Variants in ANP32B observed in about 807,000 individuals in gnomAD.
The protein encoded by ANP32B is acidic nuclear phosphoprotein 32 family member B, also known as acidic leucine-rich nuclear phosphoprotein 32 family member B.
A neutral mutation model predicts 32.2 loss-of-function variants in ANP32B; 6 were observed. The observed-to-expected ratio is 0.19, with a 90% CI of 0.10 to 0.37. The LOEUF (loss-of-function observed/expected upper bound fraction) is 0.37. Ranked by LOEUF, ANP32B falls within the 10% of genes least tolerant of loss-of-function variation. The probability of loss-of-function intolerance (pLI) is 1.00; values close to 1 mark genes in which losing one functional copy is unlikely to be tolerated. For missense variants in ANP32B, 204 were observed against 289.2 expected, an observed-to-expected ratio of 0.71 and a Z score of 2.14; for synonymous variants, 98 against 105.8, an observed-to-expected ratio of 0.93 and a Z score of 0.45.
intron 2 of ANP32B, among the ~76,000 whole-genome samples, chr9:97,998,329 G>A (rs915936564): frequency 6.6e-6 from 1 of 152,212 alleles, no homozygotes; most frequent in Non-Finnish European, 1.5e-5. Flanking sequence ...CAGTTCTTGA[G>A]TAAGCTGTTA....
chr9:98,003,558 C>T (rs926772782), intron 3 of ANP32B, among the ~76,000 whole-genome samples: 2 of 152,140 alleles, frequency 1.3e-5, no homozygotes, highest in Non-Finnish European at 2.9e-5. Flanking sequence ...GGTTCCCAAC[C>T]CCTGCTCTAG....
Position 98,012,413 on chromosome 9 carries a change from T to C in ANP32B, c.637-8T>C. On this transcript the variant is annotated splice_polypyrimidine_tract_variant and splice_region_variant and intron_variant, in intron 5 of 6. Coordinates refer to ENST00000339399, the MANE Select transcript of ANP32B (RefSeq NM_006401.3). ...TAATTTAATGTTATGCTGTTTGCTA[T>C]TCTTTAGGAAGAAGAATTTGGACTT... The C allele has an allele frequency of 6.2e-7, 1 of 1,612,222 alleles. No individual in the cohort carries two copies. Among genetic ancestry groups the C allele is most frequent in the African/African-American group, 1.3e-5 (1 of 74,958 alleles).
chr9:98,008,879 A>G (rs755141560), intron 4 of ANP32B, among the ~76,000 whole-genome samples: 2 of 152,328 alleles, frequency 1.3e-5, no homozygotes, highest in Non-Finnish European at 2.9e-5. Context: ...TCATCCTGAA[A>G]CCATCCCCCC....
intron 2 of ANP32B, among the ~76,000 whole-genome samples, chr9:97,997,988 A>G (rs1379011193): frequency 6.6e-6 from 1 of 152,188 alleles, no homozygotes; most frequent in Non-Finnish European, 1.5e-5. Context: ...CATAAACCTG[A>G]GGCTGTTGAC....
chr9:97,993,935 A>G (rs1423266601), intron 1 of ANP32B, among the ~76,000 whole-genome samples: 1 of 152,184 alleles, frequency 6.6e-6, no homozygotes, highest in African/African-American at 2.4e-5. Context: ...GCCCGGCCAG[A>G]TGTGATACTC....
chr9:98,012,499 A>G (rs1045320419), intron 6 of ANP32B, 27 bp downstream of exon 6: 1 of 1,606,468 alleles, frequency 6.2e-7, no homozygotes, highest in South Asian at 1.1e-5. Context: ...CATTTTGATC[A>G]TTCTCAGTTA....
chr9:98,009,675 C>T (rs914458831), intron 4 of ANP32B, among the ~76,000 whole-genome samples: 1 of 152,238 alleles, frequency 6.6e-6, no homozygotes, highest in African/African-American at 2.4e-5. Flanking sequence ...GCTGTGCGGC[C>T]CAGGCCACAG....
intron 2 of ANP32B, among the ~76,000 whole-genome samples, chr9:97,997,341 G>T (rs1037337698): frequency 2.6e-5 from 4 of 152,016 alleles, no homozygotes; most frequent in African/African-American, 9.7e-5. Context: ...CAGCTGACCT[G>T]TTTTTTTAAC....
At chr9:97,984,370 C>T (rs1046798264) in intron 1 of ANP32B, among the ~76,000 whole-genome samples, 1 of 151,508 alleles carries the variant, frequency 6.6e-6, no homozygotes, top group Non-Finnish European at 1.5e-5. Flanking sequence ...CTCTCGCTCC[C>T]TCTTCGCCCT....
intron 1 of ANP32B, chr9:97,984,841 G>T (rs963013480): frequency 6.7e-6 from 1 of 149,980 alleles, no homozygotes; most frequent in Non-Finnish European, 1.5e-5. Flanking sequence ...CCCGCCCCGC[G>T]CCGGGCGCGC....
chr9:97,994,292 A>G (rs941544740), intron 1 of ANP32B, among the ~76,000 whole-genome samples: 2 of 152,238 alleles, frequency 1.3e-5, no homozygotes, highest in African/African-American at 2.4e-5. Context: ...ATTTGCATTT[A>G]GATAAAAGCT....
At chr9:97,984,295 A>G (rs1372725078) in intron 1 of ANP32B, among the ~76,000 whole-genome samples, 4 of 151,114 alleles carry the variant, frequency 2.6e-5, no homozygotes, top group African/African-American at 9.7e-5. Flanking sequence ...CCCGAGGCCA[A>G]GTTTGAAAAA....
chr9:98,011,644 T>A (rs1200900702), intron 5 of ANP32B, among the ~76,000 whole-genome samples: 3 of 152,214 alleles, frequency 2.0e-5, no homozygotes, highest in Non-Finnish European at 4.4e-5. Context: ...GGGGAAGGAA[T>A]GAATTGAGTA....
chr9:97,984,313 G>T (rs1030235513), intron 1 of ANP32B, among the ~76,000 whole-genome samples: 1 of 151,250 alleles, frequency 6.6e-6, no homozygotes, highest in Non-Finnish European at 1.5e-5. Context: ...AAAAGGACGT[G>T]GTTCCCGCCA....
intron 6 of ANP32B, among the ~76,000 whole-genome samples, chr9:98,014,231 C>A (rs1368496470): frequency 1.3e-5 from 2 of 151,940 alleles, no homozygotes; most frequent in Non-Finnish European, 2.9e-5. Context: ...CACGGTGAAA[C>A]CCCGTCTCTA....
chr9:97,999,683 G>C (rs1827958708), intron 3 of ANP32B, among the ~76,000 whole-genome samples: 1 of 152,222 alleles, frequency 6.6e-6, no homozygotes, highest in Non-Finnish European at 1.5e-5. Flanking sequence ...TAGGAGTTCT[G>C]AGAATAAGAT....
At chr9:97,985,498 G>C (rs988893252) in intron 1 of ANP32B, among the ~76,000 whole-genome samples, 1 of 152,168 alleles carries the variant, frequency 6.6e-6, no homozygotes, top group Admixed American at 6.5e-5. Flanking sequence ...CTCAAAACTT[G>C]AGAGGCTTTC....
chr9:98,009,928 T>C (rs982154161), intron 4 of ANP32B, among the ~76,000 whole-genome samples: 2 of 152,242 alleles, frequency 1.3e-5, no homozygotes, highest in African/African-American at 4.8e-5. Context: ...TAATGAGTTA[T>C]AAGGTGGTAA....
chr9:98,005,346 G>T, intron 4 of ANP32B, 193 bp downstream of exon 4: 1 of 380,920 alleles, frequency 2.6e-6, no homozygotes, highest in Non-Finnish European at 4.7e-6. Flanking sequence ...TGTTTCTACA[G>T]AAAATAGAAA....
Sources: allele counts gnomAD v4.1 joint callset (sites outside exome capture counted in the v4.1 genomes callset), GRCh38; gene constraint gnomAD v4.1.1; transcripts MANE v1.5; gene names NCBI Gene and HGNC (gene_info 2026-07-23, HGNC 2026-07-21).